VTI1A: variants seen among roughly 807,000 people sequenced by gnomAD.
VTI1A encodes the protein vesicle transport through interaction with t-SNAREs homolog 1A.
Under a neutral mutation model 34.9 loss-of-function variants are expected in VTI1A, and 22 were observed. The observed-to-expected ratio is 0.63, with a 90% CI of 0.45 to 0.90. VTI1A has a LOEUF of 0.90. VTI1A is among the 40% of genes least tolerant of loss of function. The pLI is 0.00. For missense variants in VTI1A, 268 were observed against 275.6 expected, an observed-to-expected ratio of 0.97 and a Z score of 0.20; for synonymous variants, 87 against 97.3, an observed-to-expected ratio of 0.89 and a Z score of 0.62.
intron 7 of VTI1A, among the ~76,000 whole-genome samples, chr10:112,812,138 T>C (rs927629874): frequency 6.6e-6 from 1 of 152,276 alleles, no homozygotes; most frequent in Admixed American, 6.5e-5. Flanking sequence ...CTTAATAGAA[T>C]GCAGCATGCA....
chr10:112,555,781 G>C (rs1490100248), intron 5 of VTI1A, among the ~76,000 whole-genome samples: 1 of 151,934 alleles, frequency 6.6e-6, no homozygotes, highest in Non-Finnish European at 1.5e-5. Flanking sequence ...TGTCTCTACT[G>C]TTTCCGCTAG....
At chr10:112,543,774 T>C (rs1229626342) in intron 5 of VTI1A, among the ~76,000 whole-genome samples, 1 of 152,218 alleles carries the variant, frequency 6.6e-6, no homozygotes, top group East Asian at 1.9e-4. Flanking sequence ...TCCTGAATGG[T>C]ATTGCCTAGG....
chr10:112,811,683 CAA>C (rs869030543), intron 7 of VTI1A, among the ~76,000 whole-genome samples: 502 of 11,800 alleles, frequency 0.043, 28 homozygotes, highest in African/African-American at 0.17. Context: ...GACTCCGTCT[CAA>C]AAAAAAAAAA....
At chr10:112,483,446 A>G (rs1199044473) in intron 3 of VTI1A, among the ~76,000 whole-genome samples, 1 of 152,200 alleles carries the variant, frequency 6.6e-6, no homozygotes, top group Admixed American at 6.5e-5. Context: ...TAAAGTCAGG[A>G]TGCTGCCTTT....
At chr10:112,711,528 G>T (rs930057349) in intron 7 of VTI1A, among the ~76,000 whole-genome samples, 1 of 152,120 alleles carries the variant, frequency 6.6e-6, no homozygotes, top group Non-Finnish European at 1.5e-5. Context: ...CACATGCGCT[G>T]TCCCCGGGCC....
intron 3 of VTI1A, among the ~76,000 whole-genome samples, chr10:112,522,488 G>T (rs1402049678): frequency 6.6e-6 from 1 of 152,054 alleles, no homozygotes; most frequent in Non-Finnish European, 1.5e-5. Context: ...TGTGAATGTT[G>T]CGGATTGCTG....
At chr10:112,678,895 TTCA>T (rs1848120737) in intron 7 of VTI1A, among the ~76,000 whole-genome samples, 1 of 152,186 alleles carries the variant, frequency 6.6e-6, no homozygotes, top group Admixed American at 6.5e-5. Flanking sequence ...AAAAGGGGAT[TTCA>T]TCATCTTGCA....
intron 7 of VTI1A, among the ~76,000 whole-genome samples, chr10:112,708,594 G>A (rs1395943568): frequency 1.3e-5 from 2 of 152,014 alleles, no homozygotes; most frequent in Admixed American, 1.3e-4. Context: ...TATTTGTAAA[G>A]GAATGTGTTC....
chr10:112,550,672 G>A (rs949118342), intron 5 of VTI1A, among the ~76,000 whole-genome samples: 2 of 152,038 alleles, frequency 1.3e-5, no homozygotes, highest in Admixed American at 1.3e-4. Context: ...GTCATGGTGG[G>A]TCATCATTCA....
At chr10:112,504,912 C>T (rs987190712) in intron 3 of VTI1A, among the ~76,000 whole-genome samples, 1 of 150,722 alleles carries the variant, frequency 6.6e-6, no homozygotes, top group Non-Finnish European at 1.5e-5. Flanking sequence ...TTTTCAGAAA[C>T]CGTTCTTATG....
At chr10:112,831,032 T>A in the VTI1A span, 1 of 150,704 alleles carries the variant, frequency 6.6e-6, no homozygotes, top group Non-Finnish European at 1.5e-5. Flanking sequence ...GTATTTTTTG[T>A]AGAGACATTT....
chr10:112,854,171 G>A, the VTI1A span, among the ~76,000 whole-genome samples: 1 of 152,308 alleles, frequency 6.6e-6, no homozygotes, highest in South Asian at 2.1e-4. Flanking sequence ...GCTCCTGAGT[G>A]GGTTCCACAG....
At chr10:112,501,311 G>A (rs561101750) in intron 3 of VTI1A, among the ~76,000 whole-genome samples, 1 of 152,172 alleles carries the variant, frequency 6.6e-6, no homozygotes, top group Admixed American at 6.5e-5. Flanking sequence ...CCCAAAACTA[G>A]TGGTAATCCT....
At chr10:112,737,970 G>C (rs1168837048) in intron 7 of VTI1A, 1 of 865,632 alleles carries the variant, frequency 1.2e-6, no homozygotes, top group Non-Finnish European at 1.4e-6. Flanking sequence ...AGGGCCTCCT[G>C]CAAGTCCTCC....
At chr10:112,612,881 C>T (rs78618644) in intron 5 of VTI1A, among the ~76,000 whole-genome samples, 1,786 of 152,136 alleles carry the variant, frequency 0.012, 38 homozygotes, top group African/African-American at 0.041. Flanking sequence ...TAGATATCTA[C>T]GCCTGCCTGT....
chr10:112,816,386 A>G lies in VTI1A; in HGVS notation c.*1003A>G, dbSNP rs1353878679. 2 of 223,464 alleles carry G rather than the reference A, an allele frequency of 8.9e-6. No individual in the cohort carries two copies. Among genetic ancestry groups the G allele is most frequent in the Non-Finnish European group, 1.8e-5 (2 of 111,932 alleles). 13.8% of individuals were successfully genotyped at this position (223,464 alleles called of 1,614,324 possible). ...CTATAGGAGGGTCCACCAGAGATAA[A>G]CTTCACGGAAAACGTTCCCTAACCT... On this transcript the variant is annotated 3_prime_UTR_variant, in exon 8 of 8. Transcript: ENST00000393077.
intron 5 of VTI1A, among the ~76,000 whole-genome samples, chr10:112,565,334 G>C (rs973273320): frequency 6.6e-6 from 1 of 152,056 alleles, no homozygotes; most frequent in Non-Finnish European, 1.5e-5. Flanking sequence ...ATATTAAATA[G>C]TTGGCCACAA....
At chr10:112,500,463 A>G (rs1849192399) in intron 3 of VTI1A, among the ~76,000 whole-genome samples, 1 of 152,138 alleles carries the variant, frequency 6.6e-6, no homozygotes, top group African/African-American at 2.4e-5. Context: ...GAAAAGAAAA[A>G]AAAAAGAAAA....
Position 112,772,157 on chromosome 10 carries a change from A to C in VTI1A, c.561-43133A>C, listed in dbSNP as rs986615650. The stretch of plus-strand genomic sequence containing the variant: ...CTTTCCAAAGCAGCTGTACTATTTT[A>C]TATTCCCACCAGCACAATATAAAGG... On this transcript the variant is annotated intron_variant, in intron 7 of 7. Transcript: ENST00000393077. Among the ~76,000 whole-genome samples, 12 of 152,350 alleles carry C rather than the reference A, an allele frequency of 7.9e-5. 2 individuals carry two copies. The highest frequency in any genetic ancestry group is 7.8e-4 in the Admixed American group (12 of 15,304).
Sources: gnomAD v4.1 joint callset for allele counts (sites outside exome capture counted in the v4.1 genomes callset) on GRCh38, gnomAD v4.1.1 for gene constraint, MANE v1.5 for transcripts, NCBI Gene and HGNC (gene_info 2026-07-23, HGNC 2026-07-21) for gene names.